Variants in ANKS1B observed in about 807,000 individuals in gnomAD.
ANKS1B encodes ankyrin repeat and sterile alpha motif domain containing 1B, also known as ankyrin repeat and sterile alpha motif domain-containing protein 1B.
In ANKS1B, 36 loss-of-function variants were observed where a neutral mutation model predicts 148.3. The observed-to-expected ratio is 0.24, with a 90% CI of 0.19 to 0.32. The LOEUF (loss-of-function observed/expected upper bound fraction) is 0.32, where lower values mean the gene tolerates loss of function less well. ANKS1B is among the 10% of genes least tolerant of loss of function. The pLI, the probability that ANKS1B is intolerant of heterozygous loss-of-function variation, is 1.00. For synonymous variants in ANKS1B, 542 were observed against 560.8 expected (o/e 0.97, Z 0.47); for missense variants, 1,157 against 1,542.6 (o/e 0.75, Z 4.19).
At chr12:99,817,608 T>C (rs1163153176) in intron 2 of ANKS1B, among the ~76,000 whole-genome samples, 1 of 151,732 alleles carries the variant, frequency 6.6e-6, no homozygotes, top group Non-Finnish European at 1.5e-5. Context: ...TCCATTGTCA[T>C]TGTACTAATT....
rs573578639 is a variant in ANKS1B, at chr12:99,546,765, G to T, written c.1273-42124C>A. ...GAGTCTGGTCAGAACGAATGGAAGG[G>T]AAAAATAGTTAACTATAACAGGATT... On this transcript the variant is annotated intron_variant, in intron 9 of 26. Transcript: ENST00000683438. Among the ~76,000 whole-genome samples the T allele has an allele frequency of 4.6e-5, 7 of 152,232 alleles. No individual in the cohort carries two copies. In the South Asian group the frequency reaches 1.4e-3, roughly 32 times the overall value.
intron 8 of ANKS1B, among the ~76,000 whole-genome samples, chr12:99,678,657 CTCTTTT>C (rs1023398830): frequency 6.6e-6 from 1 of 152,130 alleles, no homozygotes; most frequent in Non-Finnish European, 1.5e-5. Flanking sequence ...AAAAAAAAAT[CTCTTTT>C]TCTAAGCCTA....
intron 17 of ANKS1B, among the ~76,000 whole-genome samples, chr12:98,982,303 T>TAA (rs11369285): frequency 8.1e-5 from 12 of 147,884 alleles, no homozygotes; most frequent in Non-Finnish European, 9.0e-5. Context: ...TCTGTAGTTC[T>TAA]AAAAAAAAAA....
chr12:99,335,495 G>A (rs910351217), intron 12 of ANKS1B, among the ~76,000 whole-genome samples: 2 of 150,356 alleles, frequency 1.3e-5, no homozygotes, highest in East Asian at 3.9e-4. Context: ...CTCCCACCTG[G>A]TTCCCAGCTA....
At chr12:99,508,150 C>T (rs1740235654) in intron 9 of ANKS1B, among the ~76,000 whole-genome samples, 1 of 151,816 alleles carries the variant, frequency 6.6e-6, no homozygotes, top group African/African-American at 2.4e-5. Context: ...CATCTATTTT[C>T]AGTGTGGTAC....
intron 25 of ANKS1B, among the ~76,000 whole-genome samples, chr12:98,757,053 G>GAA (rs202183472): frequency 2.7e-5 from 4 of 145,732 alleles, no homozygotes; most frequent in Non-Finnish European, 6.1e-5. Flanking sequence ...AAAAAAAAAG[G>GAA]AAAAAAAAAA....
chr12:99,909,217 C>CATGTGTGTGT (rs1399208524), intron 1 of ANKS1B, among the ~76,000 whole-genome samples: 13 of 137,392 alleles, frequency 9.5e-5, no homozygotes, highest in African/African-American at 3.5e-4. Context: ...AATATTCCAT[C>CATGTGTGTGT]GTGTGTGTGT....
chr12:99,600,712 TC>T (rs1359311869), intron 9 of ANKS1B, among the ~76,000 whole-genome samples: 1 of 151,966 alleles, frequency 6.6e-6, no homozygotes, highest in African/African-American at 2.4e-5. Flanking sequence ...CTTAACTGGG[TC>T]AAAAATTGCT....
At chr12:99,139,063 GTGC>G (rs2069166850) in intron 15 of ANKS1B, among the ~76,000 whole-genome samples, 1 of 145,442 alleles carries the variant, frequency 6.9e-6, no homozygotes, top group South Asian at 2.3e-4. Flanking sequence ...ATGCAGTGGT[GTGC>G]TCAGAGTTCA....
chr12:98,958,001 G>T (rs1440825736), intron 17 of ANKS1B, among the ~76,000 whole-genome samples: 1 of 152,192 alleles, frequency 6.6e-6, no homozygotes, highest in Non-Finnish European at 1.5e-5. Flanking sequence ...GGTGGGTAAT[G>T]AGGATGAGCG....
chr12:98,928,301 C>T (rs1351081711), intron 17 of ANKS1B, among the ~76,000 whole-genome samples: 1 of 149,592 alleles, frequency 6.7e-6, no homozygotes, highest in Non-Finnish European at 1.5e-5. Flanking sequence ...AAAAAAAAAA[C>T]TTCCCACAAA....
rs1381844659 is a variant in ANKS1B at position 99,340,275 on chromosome 12, G to A, written c.1756+59356C>T. Among the ~76,000 whole-genome samples, 3 of 152,104 alleles carry A rather than the reference G, an allele frequency of 2.0e-5. No homozygotes were observed. In the East Asian group the frequency reaches 5.8e-4, roughly 29 times the overall value. ...TTCATTTTACAGAGAGCTGCTCTCA[G>A]TGAACTGCTGATCAGCTGTGATAAA... On this transcript the variant is annotated intron_variant, in intron 12 of 26. Transcript: ENST00000683438.
intron 1 of ANKS1B, among the ~76,000 whole-genome samples, chr12:99,903,153 G>T (rs1295293299): frequency 2.0e-5 from 3 of 152,134 alleles, no homozygotes; most frequent in Non-Finnish European, 4.4e-5. Context: ...TTCATGTTTT[G>T]AGAAAAAGAG....
intron 12 of ANKS1B, among the ~76,000 whole-genome samples, chr12:99,318,831 C>T (rs2084673836): frequency 6.6e-6 from 1 of 152,078 alleles, no homozygotes; most frequent in African/African-American, 2.4e-5. Context: ...TCCCTCTACA[C>T]ATTGCTTTAA....
chr12:99,196,147 C>A (rs2081356900), intron 14 of ANKS1B, among the ~76,000 whole-genome samples: 2 of 152,076 alleles, frequency 1.3e-5, no homozygotes, highest in African/African-American at 4.8e-5. Context: ...TTTTTGTCAT[C>A]TATTTATTCA....
At chr12:99,633,770 G>A (rs2098199859) in intron 9 of ANKS1B, among the ~76,000 whole-genome samples, 1 of 152,058 alleles carries the variant, frequency 6.6e-6, no homozygotes, top group South Asian at 2.1e-4. Flanking sequence ...AATCTACAAA[G>A]AACTCAAACA....
rs1170726168 is a variant in ANKS1B, at chr12:99,874,036, T to C, written c.135-48647A>G. ...TCTCTCTCTCACATATATATATATA[T>C]ATATCCTGTTGGTTCTGTTTCTCTG... On this transcript the variant is annotated intron_variant, in intron 1 of 26. Transcript: ENST00000683438. 2.0e-5 allele frequency among the ~76,000 whole-genome samples: 3 copies of C among 151,190 alleles called. No individual in the cohort carries two copies. The East Asian group carries it at 5.8e-4, about 29-fold the overall frequency.
chr12:98,746,676 C>T (rs985355281), intron 26 of ANKS1B, among the ~76,000 whole-genome samples: 7 of 152,166 alleles, frequency 4.6e-5, no homozygotes, highest in Non-Finnish European at 7.3e-5. Flanking sequence ...TTCTCCAAAA[C>T]GCAGAAAAGC....
chr12:99,053,225 C>T lies in ANKS1B; in HGVS notation c.2710G>A (p.Ala904Thr), dbSNP rs773639515. Reference sequence around the variant, plus strand: ...GAAGTGTAGCCATTAATTAGAAAGGCTTTGGTGTAGTCGCCCAGTTCAATG... The same window carrying T: ...GAAGTGTAGCCATTAATTAGAAAGGTTTTGGTGTAGTCGCCCAGTTCAATG... ...DSIELGDYTK[A>T]FLINGYTSMD... The change falls in exon 17 of 27, where the codon GCC (alanine) becomes ACC (threonine). Residue 904 changes from alanine (A) to threonine (T), a missense_variant. By Grantham distance (58) the Ala-to-Thr change is moderately conservative. Around this residue, in one of 6 missense-constraint regions of ANKS1B, gnomAD observed 258 missense variants for 497.0 expected, o/e 0.52. Coordinates refer to ENST00000683438, the MANE Select transcript of ANKS1B (RefSeq NM_001352186.2). 6.2e-6 allele frequency: 10 copies of T among 1,610,966 alleles called. No homozygotes were observed. In the South Asian group the frequency reaches 6.7e-5, roughly 11 times the overall value.
Sources: gnomAD v4.1 joint callset for allele counts (sites outside exome capture counted in the v4.1 genomes callset) on GRCh38, gnomAD v4.1.1 for gene constraint, gnomAD v4.1.1 regional missense constraint, MANE v1.5 for transcripts, NCBI Gene and HGNC (gene_info 2026-07-23, HGNC 2026-07-21) for gene names.